Variants in GALNT11 observed in about 807,000 individuals in gnomAD.
GALNT11 encodes UDP-GalNAc:polypeptide N-acetylgalactosaminyltransferase 11.
GALNT11 carries 47 observed loss-of-function variants against 72.7 expected under a neutral mutation model. The observed-to-expected ratio is 0.65, with a 90% CI of 0.51 to 0.82. The LOEUF (loss-of-function observed/expected upper bound fraction) is 0.82, where lower values mean the gene tolerates loss of function less well. Ranked by LOEUF, GALNT11 falls within the 40% of genes least tolerant of loss-of-function variation. The pLI, the probability that GALNT11 is intolerant of heterozygous loss-of-function variation, is 0.00. For synonymous variants in GALNT11, 270 were observed against 286.6 expected (o/e 0.94, Z 0.58); for missense variants, 677 against 778.4 (o/e 0.87, Z 1.55).
At chr7:152,088,093 G>A (rs902558119) in intron 1 of GALNT11, among the ~76,000 whole-genome samples, 1 of 152,192 alleles carries the variant, frequency 6.6e-6, no homozygotes, top group Non-Finnish European at 1.5e-5. Context: ...CATAGCTGGC[G>A]TGGAGCCCTG....
intron 2 of GALNT11, among the ~76,000 whole-genome samples, chr7:152,097,971 G>C (rs1029163772): frequency 2.0e-5 from 3 of 151,878 alleles, no homozygotes; most frequent in African/African-American, 7.3e-5. Context: ...TGTCACTAAT[G>C]GTATGTTTTA....
intron 3 of GALNT11, 29 bp downstream of exon 3, chr7:152,100,950 A>G: frequency 1.2e-6 from 2 of 1,610,876 alleles, no homozygotes; most frequent in Non-Finnish European, 1.7e-6. Context: ...TTGCAAATAC[A>G]TTTTAACAAC....
intron 1 of GALNT11, among the ~76,000 whole-genome samples, chr7:152,029,856 T>G (rs2082221365): frequency 6.6e-6 from 1 of 152,262 alleles, no homozygotes; most frequent in Admixed American, 6.5e-5. Context: ...TTAGATCCCC[T>G]GTTAGGAAAC....
At chr7:152,091,370 A>G (rs1401824556) in intron 1 of GALNT11, among the ~76,000 whole-genome samples, 1 of 151,924 alleles carries the variant, frequency 6.6e-6, no homozygotes, top group African/African-American at 2.4e-5. Context: ...CCTCCCGAGT[A>G]GCTGGAATTA....
chr7:152,065,498 C>T (rs142352643), intron 1 of GALNT11, among the ~76,000 whole-genome samples: 5,579 of 152,288 alleles, frequency 0.037, 143 homozygotes, highest in South Asian at 0.065. Context: ...AACTGCATTC[C>T]TTTGGAAGGG....
At position 152,121,908 on chromosome 7, in the gene GALNT11, A is replaced by AGTAT. The variant is rs1406721408; in HGVS notation, c.*234_*237dup. 6 of 454,332 alleles carry AGTAT rather than the reference A, an allele frequency of 1.3e-5. No individual in the cohort carries two copies. The highest frequency in any genetic ancestry group is 2.3e-5 in the Non-Finnish European group (6 of 257,880). 28.1% of individuals were successfully genotyped at this position (454,332 alleles called of 1,614,324 possible). Reference sequence around the variant, plus strand: ...GTGAGTGTCCACGGGTGAAGAAGTGAGTATGTTTCACCTGGACATTAAGGT... The same window carrying AGTAT: ...GTGAGTGTCCACGGGTGAAGAAGTGAGTATGTATGTTTCACCTGGACATTAAGGT... On this transcript the variant is annotated 3_prime_UTR_variant, in exon 12 of 12. Coordinates refer to ENST00000430044, the MANE Select transcript of GALNT11 (RefSeq NM_022087.4).
intron 1 of GALNT11, among the ~76,000 whole-genome samples, chr7:152,051,751 GA>G (rs11291792): frequency 0.041 from 6,287 of 152,182 alleles, 430 homozygotes; most frequent in African/African-American, 0.14. Flanking sequence ...ATAGGAAATA[GA>G]AAAACCTCTC....
chr7:152,037,439 G>A (rs561233749), intron 1 of GALNT11, among the ~76,000 whole-genome samples: 14 of 152,210 alleles, frequency 9.2e-5, no homozygotes, highest in African/African-American at 3.4e-4. Context: ...TTTTATGCTG[G>A]TGCCATGCTA....
chr7:152,080,135 T>C (rs1181203226), intron 1 of GALNT11, among the ~76,000 whole-genome samples: 1 of 152,196 alleles, frequency 6.6e-6, no homozygotes. Context: ...CTTCAAATTG[T>C]GCTTTTAGAA....
At chr7:152,062,085 A>G (rs2084049381) in intron 1 of GALNT11, among the ~76,000 whole-genome samples, 1 of 152,144 alleles carries the variant, frequency 6.6e-6, no homozygotes, top group African/African-American at 2.4e-5. Context: ...TTTTCACGAT[A>G]TTGATTCTTC....
At chr7:152,039,720 G>A (rs2082760759) in intron 1 of GALNT11, among the ~76,000 whole-genome samples, 1 of 152,144 alleles carries the variant, frequency 6.6e-6, no homozygotes, top group Non-Finnish European at 1.5e-5. Context: ...TAAGGTTTCA[G>A]GTGTTTTGAT....
chr7:152,061,878 G>A (rs1235461741), intron 1 of GALNT11, among the ~76,000 whole-genome samples: 5 of 151,992 alleles, frequency 3.3e-5, no homozygotes, highest in Admixed American at 3.3e-4. Flanking sequence ...GTTACTGTAG[G>A]CTTGTAGTAT....
intron 7 of GALNT11, among the ~76,000 whole-genome samples, chr7:152,112,149 T>C (rs776205553): frequency 2.6e-5 from 4 of 152,232 alleles, no homozygotes; most frequent in Non-Finnish European, 5.9e-5. Flanking sequence ...AACCATCTCC[T>C]AGTCCAGTTA....
chr7:152,113,939 G>GT (rs544834617), intron 8 of GALNT11, among the ~76,000 whole-genome samples: 12 of 149,300 alleles, frequency 8.0e-5, no homozygotes, highest in East Asian at 5.9e-4. Context: ...TTGTTTGTTT[G>GT]TTTTTTTAGA....
At position 152,102,977 on chromosome 7, in the gene GALNT11, G is replaced by A. The variant is rs1164226770; in HGVS notation, c.420-135G>A. The A allele has an allele frequency of 4.8e-5, 37 of 767,352 alleles. No homozygotes were observed. In the Admixed American group the frequency reaches 5.2e-4, roughly 11 times the overall value. 47.5% of individuals were successfully genotyped at this position (767,352 alleles called of 1,614,324 possible). Reference sequence around the variant, plus strand: ...GCCTGGGCAACAAGAGCGAGACTCCGTCTCAAAAAAAAAAAAAAAGGCAGG... The same window carrying A: ...GCCTGGGCAACAAGAGCGAGACTCCATCTCAAAAAAAAAAAAAAAGGCAGG... On this transcript the variant is annotated intron_variant, in intron 3 of 11. Coordinates refer to ENST00000430044, the MANE Select transcript of GALNT11 (RefSeq NM_022087.4).
At chr7:152,048,450 T>C (rs2083247082) in intron 1 of GALNT11, among the ~76,000 whole-genome samples, 1 of 151,968 alleles carries the variant, frequency 6.6e-6, no homozygotes, top group Non-Finnish European at 1.5e-5. Context: ...TGGGATGTTC[T>C]TTGTTATTGT....
At chr7:152,116,001 TGCC>T (rs2088810283) in intron 8 of GALNT11, among the ~76,000 whole-genome samples, 1 of 152,046 alleles carries the variant, frequency 6.6e-6, no homozygotes, top group Non-Finnish European at 1.5e-5. Context: ...GGTTGTGGTG[TGCC>T]GAGATCGTGC....
At chr7:152,068,947 G>T (rs2084470818) in intron 1 of GALNT11, among the ~76,000 whole-genome samples, 1 of 151,958 alleles carries the variant, frequency 6.6e-6, no homozygotes, top group South Asian at 2.1e-4. Context: ...TTTGAGGGAG[G>T]CATATTTCCC....
chr7:152,121,158 A>G (rs1184384252), intron 11 of GALNT11, among the ~76,000 whole-genome samples, 190 bp downstream of exon 11: 1 of 152,224 alleles, frequency 6.6e-6, no homozygotes, highest in Non-Finnish European at 1.5e-5. Context: ...TACACCTGTG[A>G]TAAATTTATC....
Sources: allele counts gnomAD v4.1 joint callset (sites outside exome capture counted in the v4.1 genomes callset), GRCh38; gene constraint gnomAD v4.1.1; transcripts MANE v1.5; gene names NCBI Gene and HGNC (gene_info 2026-07-23, HGNC 2026-07-21).